Variants in SETBP1 observed in about 807,000 individuals in gnomAD.
SETBP1 encodes SET binding protein 1.
A neutral mutation model predicts 101.0 loss-of-function variants in SETBP1; 9 were observed. The ratio of observed to expected loss-of-function variants is 0.09; its 90% CI spans 0.05 to 0.16. The LOEUF (loss-of-function observed/expected upper bound fraction) is 0.16, where lower values mean the gene tolerates loss of function less well. Ranked by LOEUF, SETBP1 falls within the 10% of genes least tolerant of loss-of-function variation. The pLI is 1.00. For missense variants in SETBP1, 1,858 were observed against 2,033.8 expected, an observed-to-expected ratio of 0.91 and a Z score of 1.66; for synonymous variants, 818 against 788.5, an observed-to-expected ratio of 1.04 and a Z score of -0.63.
intron 2 of SETBP1, among the ~76,000 whole-genome samples, chr18:44,791,352 G>A (rs988504614): frequency 1.3e-5 from 2 of 152,144 alleles, no homozygotes; most frequent in Non-Finnish European, 2.9e-5. Flanking sequence ...GAAAGAAGAT[G>A]GGAGAAGGAC....
At chr18:44,693,176 G>A (rs1365497759) in intron 1 of SETBP1, among the ~76,000 whole-genome samples, 1 of 152,150 alleles carries the variant, frequency 6.6e-6, no homozygotes, top group Non-Finnish European at 1.5e-5. Context: ...ATTCCGGAAA[G>A]ATTACTTAGT....
chr18:44,690,696 T>G (rs2068916013), intron 1 of SETBP1, among the ~76,000 whole-genome samples: 1 of 152,196 alleles, frequency 6.6e-6, no homozygotes, highest in South Asian at 2.1e-4. Flanking sequence ...ACTTTAATTT[T>G]CTTATCTGTA....
At chr18:44,701,971 T>A in intron 2 of SETBP1, 139 bp downstream of exon 2, 2 of 958,804 alleles carry the variant, frequency 2.1e-6, no homozygotes, top group South Asian at 1.6e-5. Flanking sequence ...CCTGCACAGT[T>A]AAATCTGTGT....
At chr18:44,941,781 A>AT (rs909453634) in intron 3 of SETBP1, among the ~76,000 whole-genome samples, 2 of 150,518 alleles carry the variant, frequency 1.3e-5, no homozygotes, top group Admixed American at 1.3e-4. Context: ...TTTGTTTGAG[A>AT]TATTGTATTT....
intron 4 of SETBP1, among the ~76,000 whole-genome samples, chr18:44,985,768 C>T (rs1004101648): frequency 5.9e-5 from 9 of 152,186 alleles, no homozygotes; most frequent in Admixed American, 3.3e-4. Flanking sequence ...TTCATTTTCA[C>T]TGTTCAACCT....
chr18:44,715,253 G>A (rs567830267), intron 2 of SETBP1, among the ~76,000 whole-genome samples: 118 of 152,308 alleles, frequency 7.7e-4, no homozygotes, highest in Non-Finnish European at 1.4e-3. Flanking sequence ...GACCCACAGC[G>A]CCTTTCTTGA....
intron 3 of SETBP1, among the ~76,000 whole-genome samples, chr18:44,927,070 C>T (rs1336635385): frequency 6.6e-6 from 1 of 152,162 alleles, no homozygotes; most frequent in East Asian, 1.9e-4. Flanking sequence ...CCCTGATTAT[C>T]CATTTGAGTT....
At chr18:44,693,814 A>C (rs186735306) in intron 1 of SETBP1, among the ~76,000 whole-genome samples, 1 of 152,250 alleles carries the variant, frequency 6.6e-6, no homozygotes, top group Non-Finnish European at 1.5e-5. Flanking sequence ...CCAGAAAAGC[A>C]GGCAGTCATC....
At chr18:44,849,169 G>A (rs960962930) in intron 2 of SETBP1, among the ~76,000 whole-genome samples, 11 of 152,266 alleles carry the variant, frequency 7.2e-5, no homozygotes, top group Non-Finnish European at 1.0e-4. Flanking sequence ...CACAGAGCCC[G>A]TATGCTTCTG....
intron 3 of SETBP1, among the ~76,000 whole-genome samples, chr18:44,899,270 G>T (rs1283847126): frequency 6.6e-6 from 1 of 152,062 alleles, no homozygotes; most frequent in African/African-American, 2.4e-5. Context: ...AACAAAGGAA[G>T]TAAATTTTTA....
At chr18:45,035,343 T>A (rs2073376139) in intron 4 of SETBP1, among the ~76,000 whole-genome samples, 1 of 152,236 alleles carries the variant, frequency 6.6e-6, no homozygotes, top group Admixed American at 6.5e-5. Context: ...AAAGCCGTAC[T>A]ATAATCTAGA....
At chr18:44,868,885 C>T (rs867654491) in intron 2 of SETBP1, among the ~76,000 whole-genome samples, 9 of 152,280 alleles carry the variant, frequency 5.9e-5, no homozygotes, top group Middle Eastern at 3.4e-3. Flanking sequence ...GAAATATATA[C>T]ATCTATAGAT....
Position 45,064,848 on chromosome 18 carries a change from T to C in SETBP1, c.*1150T>C, listed in dbSNP as rs2145600793. On this transcript the variant is annotated 3_prime_UTR_variant, in exon 6 of 6. Transcript: ENST00000649279. Reference sequence around the variant, plus strand: ...AAAGGAAACAAAAACACAATAGAAGTCCATTATCCCTTGATAATTATTTCT... The same window carrying C: ...AAAGGAAACAAAAACACAATAGAAGCCCATTATCCCTTGATAATTATTTCT... 1 of 150,004 alleles carries C rather than the reference T, an allele frequency of 6.7e-6. No individual in the cohort carries two copies. Among genetic ancestry groups the C allele is most frequent in the East Asian group, 1.9e-4 (1 of 5,144 alleles). The allele number at this position is 150,004 out of a possible 1,614,324, so 9.3% of individuals were successfully genotyped here.
chr18:44,707,840 G>T (rs1376587951), intron 2 of SETBP1, among the ~76,000 whole-genome samples: 1 of 152,194 alleles, frequency 6.6e-6, no homozygotes, highest in South Asian at 2.1e-4. Flanking sequence ...AGGAACGGTT[G>T]CAGGGGTGCT....
chr18:44,926,506 C>T (rs1474783945), intron 3 of SETBP1, among the ~76,000 whole-genome samples: 5 of 152,098 alleles, frequency 3.3e-5, no homozygotes, highest in Admixed American at 3.3e-4. Flanking sequence ...CCTCAGGGGC[C>T]CTCCCAGCTT....
At chr18:44,855,141 C>G (rs964947903) in intron 2 of SETBP1, among the ~76,000 whole-genome samples, 3 of 152,046 alleles carry the variant, frequency 2.0e-5, no homozygotes, top group African/African-American at 7.2e-5. Context: ...TCTGCTTTTT[C>G]TTTCTGCTTT....
intron 5 of SETBP1, among the ~76,000 whole-genome samples, chr18:45,049,450 G>T (rs559216924): frequency 4.3e-4 from 65 of 152,264 alleles, no homozygotes; most frequent in African/African-American, 1.4e-3. Context: ...CCTACGGAAG[G>T]TTATAAATTT....
intron 2 of SETBP1, among the ~76,000 whole-genome samples, chr18:44,734,610 A>G (rs2069922552): frequency 6.6e-6 from 1 of 152,072 alleles, no homozygotes; most frequent in Non-Finnish European, 1.5e-5. Flanking sequence ...CTCTGACCTT[A>G]AATGTCTCCT....
intron 5 of SETBP1, among the ~76,000 whole-genome samples, chr18:45,059,550 CCA>C (rs1187739626): frequency 3.9e-5 from 6 of 152,144 alleles, no homozygotes; most frequent in African/African-American, 1.4e-4. Context: ...CTAGAGTCTC[CCA>C]CAGTCCACAA....
Sources: allele counts gnomAD v4.1 joint callset (sites outside exome capture counted in the v4.1 genomes callset), GRCh38; gene constraint gnomAD v4.1.1; transcripts MANE v1.5; gene names NCBI Gene and HGNC (gene_info 2026-07-23, HGNC 2026-07-21).